TP53BP1: variants seen among roughly 807,000 people sequenced by gnomAD.
The protein encoded by TP53BP1 is tumor protein p53 binding protein 1.
Under a neutral mutation model 200.8 loss-of-function variants are expected in TP53BP1, and 61 were observed. The ratio of observed to expected loss-of-function variants is 0.30; its 90% CI spans 0.25 to 0.38. TP53BP1 has a LOEUF of 0.38. Ranked by LOEUF, TP53BP1 falls within the 10% of genes least tolerant of loss-of-function variation. The probability of loss-of-function intolerance (pLI) is 1.00; values close to 1 mark genes in which losing one functional copy is unlikely to be tolerated. For synonymous variants in TP53BP1, 822 were observed against 844.3 expected (o/e 0.97, Z 0.46); for missense variants, 2,144 against 2,371.9 (o/e 0.90, Z 2.00).
intron 21 of TP53BP1, chr15:43,417,327 G>A (rs1302817604): frequency 6.6e-6 from 1 of 152,092 alleles, no homozygotes; most frequent in African/African-American, 2.4e-5. Flanking sequence ...GAAACCCAGA[G>A]CCTACCCCAC....
chr15:43,473,348 C>T (rs561897727), intron 10 of TP53BP1, among the ~76,000 whole-genome samples: 1 of 152,288 alleles, frequency 6.6e-6, no homozygotes, highest in East Asian at 1.9e-4. Context: ...GTGGTCTGTG[C>T]TGACAGGGGG....
chr15:43,491,904 A>G, intron 3 of TP53BP1, 98 bp downstream of exon 3: 3 of 1,137,194 alleles, frequency 2.6e-6, no homozygotes, highest in Admixed American at 1.7e-5. Flanking sequence ...AGGCTTCCTT[A>G]CATACATTCG....
chr15:43,431,168 C>T (rs1302798733), intron 17 of TP53BP1, among the ~76,000 whole-genome samples: 1 of 152,174 alleles, frequency 6.6e-6, no homozygotes, highest in Non-Finnish European at 1.5e-5. Context: ...TATCACATTA[C>T]TCAGAACAGC....
At chr15:43,477,981 G>A (rs1346492203) in intron 7 of TP53BP1, among the ~76,000 whole-genome samples, 1 of 152,102 alleles carries the variant, frequency 6.6e-6, no homozygotes, top group East Asian at 1.9e-4. Context: ...GCCAATACCT[G>A]TCTTCAACTC....
At position 43,475,891 on chromosome 15, in the gene TP53BP1, C is replaced by T. The variant is rs138830902; in HGVS notation, c.956-197G>A. Among the ~76,000 whole-genome samples, 153 of 152,308 alleles carry T rather than the reference C, an allele frequency of 1.0e-3. 1 individual carries two copies. Among genetic ancestry groups the T allele is most frequent in the African/African-American group, 3.5e-3 (146 of 41,562 alleles). ...AAATCTTGAGTGAACATTAACCACC[C>T]CCGCAATGGGCTTCTTGAATAAAGA... On this transcript the variant is annotated intron_variant, in intron 8 of 27. Coordinates refer to ENST00000382044, the MANE Select transcript of TP53BP1 (RefSeq NM_001141980.3).
At chr15:43,452,849 T>C (rs931821262) in intron 12 of TP53BP1, among the ~76,000 whole-genome samples, 10 of 152,284 alleles carry the variant, frequency 6.6e-5, no homozygotes, top group Middle Eastern at 3.4e-3. Flanking sequence ...AAGAATACTA[T>C]TAAAATAATA....
At chr15:43,485,494 G>A (rs997302928) in intron 4 of TP53BP1, among the ~76,000 whole-genome samples, 1 of 148,696 alleles carries the variant, frequency 6.7e-6, no homozygotes, top group Non-Finnish European at 1.5e-5. Flanking sequence ...GGAGAATGAC[G>A]TGAACCCAGG....
chr15:43,418,814 T>C (rs1170493397), intron 21 of TP53BP1, among the ~76,000 whole-genome samples: 3 of 152,204 alleles, frequency 2.0e-5, no homozygotes, highest in Non-Finnish European at 4.4e-5. Context: ...CACTAAAAAC[T>C]TCTCCCTAAG....
intron 11 of TP53BP1, among the ~76,000 whole-genome samples, chr15:43,464,706 C>G (rs1443322875): frequency 1.3e-5 from 2 of 151,810 alleles, no homozygotes; most frequent in African/African-American, 4.8e-5. Context: ...GAGTTCAAGA[C>G]CAGCCTGACC....
In TP53BP1 at chr15:43,432,229, C is replaced by T. The variant is rs761999684; in HGVS notation, c.3640G>A (p.Ala1214Thr). The T allele has an allele frequency of 6.2e-7, 1 of 1,614,146 alleles. No homozygotes were observed. ...AGCGACTCTGTATCATCCCCAGGAG[C>T]ACTGACTGGTTTCTCACCACTCCCC... Reference protein sequence around the residue: ...ERGSGEKPVSAPGDDTESLHS... With the variant: ...ERGSGEKPVSTPGDDTESLHS... The change falls in exon 17 of 28, where the codon GCT becomes ACT. Residue 1214 changes from alanine to threonine, a missense_variant. Around this residue, in one of 4 missense-constraint regions of TP53BP1, gnomAD observed 1,700 missense variants for 1,710.3 expected, o/e 0.99. Transcript: ENST00000382044.
chr15:43,425,489 C>T (rs930741460), intron 18 of TP53BP1, among the ~76,000 whole-genome samples: 3 of 152,120 alleles, frequency 2.0e-5, no homozygotes, highest in African/African-American at 4.8e-5. Context: ...GATGTGGTAG[C>T]GTGTGCCTAT....
rs190710099 is a variant in TP53BP1 at position 43,410,353 on chromosome 15, A to G, written c.5306-612T>C. Among the ~76,000 whole-genome samples the G allele has an allele frequency of 2.8e-4, 43 of 152,306 alleles. 1 individual carries two copies. The East Asian group carries it at 8.1e-3, about 29-fold the overall frequency. Reference sequence around the variant, plus strand: ...TGTTTCAACCTTTTTATTGAAAACTATCTACCTTTGATGATCTTGAAGTAC... The same window carrying G: ...TGTTTCAACCTTTTTATTGAAAACTGTCTACCTTTGATGATCTTGAAGTAC... On this transcript the variant is annotated intron_variant, in intron 24 of 27. Coordinates refer to ENST00000382044, the MANE Select transcript of TP53BP1 (RefSeq NM_001141980.3).
intron 25 of TP53BP1, chr15:43,409,301 A>G (rs1414378331): frequency 1.7e-6 from 1 of 602,246 alleles, no homozygotes; most frequent in Non-Finnish European, 2.9e-6. Context: ...CACCTGCAGC[A>G]TACTGAGGAC....
At chr15:43,475,428 A>C (rs2078865860) in intron 9 of TP53BP1, 137 bp downstream of exon 9, 1 of 981,170 alleles carries the variant, frequency 1.0e-6, no homozygotes. Context: ...TTCATCCCCA[A>C]AGCTCTAATG....
intron 21 of TP53BP1, among the ~76,000 whole-genome samples, chr15:43,417,905 A>T (rs987859984): frequency 2.0e-5 from 3 of 152,170 alleles, no homozygotes; most frequent in Admixed American, 6.6e-5. Flanking sequence ...TCCAGCCGGG[A>T]GCAGTGGCTC....
chr15:43,410,088 GTTCCCTTTGTGTCTATCCTAAATC>G (rs1393435553), intron 24 of TP53BP1, among the ~76,000 whole-genome samples: 1 of 152,220 alleles, frequency 6.6e-6, no homozygotes, highest in African/African-American at 2.4e-5. Flanking sequence ...CCATCAGGAA[GTTCCCTTTGTGTCTATCCTAAATC>G]TTTCCTGTTG....
intron 4 of TP53BP1, among the ~76,000 whole-genome samples, chr15:43,486,062 A>G: frequency 6.6e-6 from 1 of 152,040 alleles, no homozygotes; most frequent in Non-Finnish European, 1.5e-5. Context: ...TCAAAAATTG[A>G]GAGGGTGAAA....
intron 14 of TP53BP1, among the ~76,000 whole-genome samples, chr15:43,445,133 C>A (rs1243666373): frequency 3.3e-5 from 5 of 152,286 alleles, no homozygotes; most frequent in Non-Finnish European, 7.4e-5. Context: ...CTCTTCTTCT[C>A]TCACATAAAC....
intron 4 of TP53BP1, among the ~76,000 whole-genome samples, chr15:43,490,059 C>T (rs2079099782): frequency 2.0e-5 from 3 of 151,832 alleles, no homozygotes; most frequent in South Asian, 2.1e-4. Flanking sequence ...GCTACAGGCA[C>T]GGACCACCAT....
Sources: allele counts gnomAD v4.1 joint callset (sites outside exome capture counted in the v4.1 genomes callset), GRCh38; gene constraint gnomAD v4.1.1; regional missense constraint gnomAD v4.1.1; transcripts MANE v1.5; gene names NCBI Gene and HGNC (gene_info 2026-07-23, HGNC 2026-07-21).